ARHGAP32: variants seen among roughly 807,000 people sequenced by gnomAD.
ARHGAP32 encodes the protein Rho GTPase activating protein 32.
In ARHGAP32, 51 loss-of-function variants were observed where a neutral mutation model predicts 186.5. That is an observed-to-expected ratio of 0.27 (90% confidence interval 0.22 to 0.35). ARHGAP32 has a LOEUF of 0.35. Ranked by LOEUF, ARHGAP32 falls within the 10% of genes least tolerant of loss-of-function variation. ARHGAP32 has a pLI of 1.00. For synonymous variants in ARHGAP32, 950 were observed against 964.3 expected, an observed-to-expected ratio of 0.99 and a Z score of 0.27; for missense variants, 2,186 against 2,623.5, an observed-to-expected ratio of 0.83 and a Z score of 3.64.
At chr11:129,030,605 T>C (rs1555075877) in intron 11 of ARHGAP32, 1 of 152,120 alleles carries the variant, frequency 6.6e-6, no homozygotes, top group Non-Finnish European at 1.5e-5. Context: ...TTAATGTATA[T>C]CTGTTAACAA....
chr11:129,137,799 T>G (rs1942967468), intron 2 of ARHGAP32, among the ~76,000 whole-genome samples: 1 of 152,038 alleles, frequency 6.6e-6, no homozygotes, highest in Non-Finnish European at 1.5e-5. Context: ...ATGTATTAAA[T>G]CTTGATTATG....
intron 1 of ARHGAP32, among the ~76,000 whole-genome samples, chr11:129,233,481 CTCTG>C (rs565511728): frequency 1.2e-3 from 188 of 152,074 alleles, no homozygotes; most frequent in Non-Finnish European, 2.3e-3. Context: ...TAAGAAAGGG[CTCTG>C]TCTAACTCTA....
At chr11:129,103,579 C>G (rs1330193792) in intron 5 of ARHGAP32, among the ~76,000 whole-genome samples, 2 of 151,682 alleles carry the variant, frequency 1.3e-5, no homozygotes, top group Non-Finnish European at 2.9e-5. Flanking sequence ...ATGAATAAAT[C>G]AGTACTAAAC....
chr11:129,046,145 C>A (rs1162029120), intron 10 of ARHGAP32, among the ~76,000 whole-genome samples: 1 of 152,004 alleles, frequency 6.6e-6, no homozygotes, highest in Non-Finnish European at 1.5e-5. Flanking sequence ...TTTCAAGCTA[C>A]CAACTTGATA....
At chr11:129,034,223 G>A (rs538513388) in intron 11 of ARHGAP32, among the ~76,000 whole-genome samples, 2 of 152,200 alleles carry the variant, frequency 1.3e-5, no homozygotes, top group Non-Finnish European at 2.9e-5. Flanking sequence ...AGATATCCTA[G>A]GGGAATAATG....
At chr11:129,008,294 C>T (rs1937891029) in intron 11 of ARHGAP32, among the ~76,000 whole-genome samples, 1 of 152,056 alleles carries the variant, frequency 6.6e-6, no homozygotes, top group Non-Finnish European at 1.5e-5. Flanking sequence ...TTTTATTTGG[C>T]CATCTTCCTT....
At chr11:129,166,552 A>G (rs1330492220) in intron 1 of ARHGAP32, among the ~76,000 whole-genome samples, 2 of 152,146 alleles carry the variant, frequency 1.3e-5, no homozygotes, top group African/African-American at 4.8e-5. Flanking sequence ...AATAATTACA[A>G]TGGGAGAAGA....
chr11:129,160,174 C>T (rs1228859799), intron 2 of ARHGAP32, among the ~76,000 whole-genome samples: 1 of 152,122 alleles, frequency 6.6e-6, no homozygotes, highest in Non-Finnish European at 1.5e-5. Context: ...TGGAAGCATT[C>T]CCATTGAAAA....
intron 1 of ARHGAP32, among the ~76,000 whole-genome samples, chr11:129,210,252 G>A (rs1944563226): frequency 6.6e-6 from 1 of 152,178 alleles, no homozygotes; most frequent in African/African-American, 2.4e-5. Flanking sequence ...TCCAAAGGGA[G>A]AAGAAACCTT....
chr11:129,111,531 T>C (rs543918233), intron 5 of ARHGAP32, among the ~76,000 whole-genome samples: 4 of 152,152 alleles, frequency 2.6e-5, no homozygotes, highest in Non-Finnish European at 5.9e-5. Context: ...ATTCCTGAGA[T>C]TTTCATTGTT....
At chr11:128,980,942 T>C (rs372566176) in intron 17 of ARHGAP32, among the ~76,000 whole-genome samples, 194 bp from the exon 18 acceptor site, 4 of 152,204 alleles carry the variant, frequency 2.6e-5, no homozygotes, top group Non-Finnish European at 1.5e-5. Context: ...CATACATACA[T>C]ATAAAACCCT....
chr11:129,075,994 G>A (rs1325864613), intron 6 of ARHGAP32, among the ~76,000 whole-genome samples: 2 of 152,106 alleles, frequency 1.3e-5, no homozygotes, highest in Admixed American at 6.5e-5. Context: ...CGGTAAAGAA[G>A]CCGGCCAAAA....
intron 2 of ARHGAP32, among the ~76,000 whole-genome samples, chr11:129,154,773 G>GTA (rs1943364046): frequency 6.6e-6 from 1 of 152,040 alleles, no homozygotes; most frequent in Admixed American, 6.6e-5. Context: ...TATACATCGG[G>GTA]TACAATGTAC....
At chr11:129,197,592 G>A (rs1944409085) in intron 1 of ARHGAP32, among the ~76,000 whole-genome samples, 1 of 152,108 alleles carries the variant, frequency 6.6e-6, no homozygotes, top group Non-Finnish European at 1.5e-5. Context: ...TGAATAATGT[G>A]TGCTCTGTGT....
chr11:129,042,148 GT>G (rs1385894967), intron 10 of ARHGAP32, among the ~76,000 whole-genome samples: 2 of 152,012 alleles, frequency 1.3e-5, no homozygotes, highest in African/African-American at 2.4e-5. Context: ...CAGATTATCA[GT>G]TTTTTTGTTT....
chr11:129,142,161 C>T (rs895148542), intron 2 of ARHGAP32, among the ~76,000 whole-genome samples: 2 of 152,108 alleles, frequency 1.3e-5, no homozygotes, highest in African/African-American at 4.8e-5. Flanking sequence ...GTGGAGACCC[C>T]TCTCAAGGCA....
intron 11 of ARHGAP32, among the ~76,000 whole-genome samples, chr11:129,008,614 A>G (rs1274463410): frequency 6.6e-6 from 1 of 152,228 alleles, no homozygotes; most frequent in African/African-American, 2.4e-5. Context: ...GTCTTGGACA[A>G]AGTAAAACAA....
upstream of ARHGAP32, among the ~76,000 whole-genome samples, chr11:129,193,712 ATATAT>A (rs1482501412): frequency 6.8e-3 from 300 of 43,800 alleles, no homozygotes; most frequent in Non-Finnish European, 9.8e-3. Context: ...AATATATATT[ATATAT>A]TATATATTAT....
intron 1 of ARHGAP32, among the ~76,000 whole-genome samples, chr11:129,273,732 G>A (rs1945498417): frequency 6.6e-6 from 1 of 152,046 alleles, no homozygotes; most frequent in Non-Finnish European, 1.5e-5. Context: ...CTACACACAG[G>A]GAATAAAAGC....
Sources: gnomAD v4.1 joint callset for allele counts (sites outside exome capture counted in the v4.1 genomes callset) on GRCh38, gnomAD v4.1.1 for gene constraint, MANE v1.5 for transcripts, NCBI Gene and HGNC (gene_info 2026-07-23, HGNC 2026-07-21) for gene names.